Variants in TSPEAR observed in about 807,000 individuals in gnomAD.
TSPEAR encodes the protein thrombospondin-type laminin G domain and EAR repeat-containing protein.
A neutral mutation model predicts 71.6 loss-of-function variants in TSPEAR; 69 were observed. The observed-to-expected ratio is 0.96, with a 90% CI of 0.79 to 1.18. The LOEUF (loss-of-function observed/expected upper bound fraction) is 1.18. Among genes scored for constraint, TSPEAR ranks in the 50% most tolerant of loss-of-function variants. The pLI, the probability that TSPEAR is intolerant of heterozygous loss-of-function variation, is 0.00. For missense variants in TSPEAR, 971 were observed against 894.9 expected, an observed-to-expected ratio of 1.09 and a Z score of -1.09; for synonymous variants, 402 against 387.2, an observed-to-expected ratio of 1.04 and a Z score of -0.45.
chr21:44,634,718 G>A (rs183097188), intron 1 of TSPEAR, among the ~76,000 whole-genome samples: 25 of 152,264 alleles, frequency 1.6e-4, no homozygotes, highest in Non-Finnish European at 2.6e-4. Context: ...GATGATACAC[G>A]CAGGAAAAGA....
chr21:44,659,083 G>C (rs1985341238), intron 1 of TSPEAR, among the ~76,000 whole-genome samples: 1 of 152,172 alleles, frequency 6.6e-6, no homozygotes, highest in South Asian at 2.1e-4. Flanking sequence ...CAAAGGGCCT[G>C]CCTAAGACTG....
chr21:44,635,216 C>T (rs587641293), intron 1 of TSPEAR, among the ~76,000 whole-genome samples: 9 of 151,748 alleles, frequency 5.9e-5, no homozygotes, highest in East Asian at 5.8e-4. Context: ...TGTGGTGGTG[C>T]GCACCTGTAA....
At chr21:44,516,621 G>A (rs1379133752) in intron 9 of TSPEAR, 30 of 152,342 alleles carry the variant, frequency 2.0e-4, no homozygotes, top group Middle Eastern at 3.4e-3. Context: ...GCTTCGTGTG[G>A]TCCTGACCTT....
At chr21:44,575,681 G>A (rs1357822040) in intron 1 of TSPEAR, among the ~76,000 whole-genome samples, 1 of 152,190 alleles carries the variant, frequency 6.6e-6, no homozygotes, top group South Asian at 2.1e-4. Flanking sequence ...GTCTTCTAGC[G>A]CCATGCTTGC....
intron 2 of TSPEAR, among the ~76,000 whole-genome samples, chr21:44,535,965 A>G (rs1335729671): frequency 6.6e-6 from 1 of 151,940 alleles, no homozygotes; most frequent in Non-Finnish European, 1.5e-5. Context: ...TTCCATTGGA[A>G]GTGGACTTTC....
At chr21:44,524,627 G>T (rs1433669138) in intron 8 of TSPEAR, among the ~76,000 whole-genome samples, 4 of 151,714 alleles carry the variant, frequency 2.6e-5, no homozygotes, top group Non-Finnish European at 5.9e-5. Flanking sequence ...AGTCAGTCAG[G>T]TAGTCAGTCA....
intron 1 of TSPEAR, among the ~76,000 whole-genome samples, chr21:44,639,857 C>T (rs937125777): frequency 6.6e-6 from 1 of 152,240 alleles, no homozygotes. Flanking sequence ...CCTGTCTGGC[C>T]GTCCCCAGGG....
At chr21:44,584,583 A>G (rs1448732942) in intron 1 of TSPEAR, among the ~76,000 whole-genome samples, 1 of 152,180 alleles carries the variant, frequency 6.6e-6, no homozygotes, top group Non-Finnish European at 1.5e-5. Context: ...ATCTTTTTAA[A>G]TGGGATTGAT....
At chr21:44,613,032 C>A in intron 1 of TSPEAR, 1 of 1,142,164 alleles carries the variant, frequency 8.8e-7, no homozygotes, top group Non-Finnish European at 1.2e-6. Context: ...CTCCTTACTC[C>A]CAGGAGCCTC....
At chr21:44,698,049 G>A (rs1987469166) in intron 1 of TSPEAR, 1 of 1,331,462 alleles carries the variant, frequency 7.5e-7, no homozygotes, top group Admixed American at 2.2e-5. Flanking sequence ...CTGCTCTGGT[G>A]TCTGTCTCTT....
chr21:44,600,729 C>T, intron 1 of TSPEAR: 1 of 1,612,276 alleles, frequency 6.2e-7, no homozygotes, highest in Non-Finnish European at 8.5e-7. Context: ...AGGTGGACGA[C>T]TGCCCAGAGA....
Position 44,697,693 on chromosome 21 carries a change from T to C in TSPEAR, c.82+13740A>G, listed in dbSNP as rs59935070. 6.5e-3 allele frequency: 10,453 copies of C among 1,612,904 alleles called. 576 individuals carry two copies. In the African/African-American group the frequency reaches 0.12, roughly 19 times the overall value. ...GCTGCAAGCCCATCTGCTGTGTGCC[T>C]GTCTGCTCTGGGGCCTCCTCTCTGT... is the stretch of plus-strand genomic sequence containing the variant. On this transcript the variant is annotated intron_variant, in intron 1 of 11. Coordinates refer to ENST00000323084, the MANE Select transcript of TSPEAR (RefSeq NM_144991.3).
At chr21:44,577,783 A>G (rs1322882964) in intron 1 of TSPEAR, among the ~76,000 whole-genome samples, 3 of 152,368 alleles carry the variant, frequency 2.0e-5, no homozygotes, top group Admixed American at 2.0e-4. Flanking sequence ...TGAAATTGGC[A>G]AATTTCTAAC....
At chr21:44,508,743 T>C in intron 10 of TSPEAR, 1 of 1,263,696 alleles carries the variant, frequency 7.9e-7, no homozygotes, top group Non-Finnish European at 1.0e-6. Context: ...CTCCGTGTCC[T>C]GGTGTTTGTT....
Position 44,577,265 on chromosome 21 carries a change from A to G in TSPEAR, c.83-9260T>C, listed in dbSNP as rs587735913. Among the ~76,000 whole-genome samples, 24 of 152,338 alleles carry G rather than the reference A, an allele frequency of 1.6e-4. No individual in the cohort carries two copies. In the South Asian group the frequency reaches 4.6e-3, roughly 29 times the overall value. On this transcript the variant is annotated intron_variant, in intron 1 of 11. Transcript: ENST00000323084. ...GAACCCAAAAATAACTAGAAATAATAAAATAATCAAGAATTTAAAAACTCC... is the reference window on the plus strand; with the variant it reads ...GAACCCAAAAATAACTAGAAATAATGAAATAATCAAGAATTTAAAAACTCC...
chr21:44,591,842 G>A, intron 1 of TSPEAR: 2 of 1,608,270 alleles, frequency 1.2e-6, no homozygotes, highest in Non-Finnish European at 1.7e-6. Flanking sequence ...CAAGTTGGCT[G>A]GCAGCTAGAC....
At position 44,533,709 on chromosome 21, in the gene TSPEAR, G is replaced by T; in HGVS notation, c.518C>A (p.Thr173Lys). Residue 173 changes from threonine to lysine, a missense_variant, in exon 3 of 12, where the codon ACG (threonine) becomes AAG (lysine). Coordinates refer to ENST00000323084, the MANE Select transcript of TSPEAR (RefSeq NM_144991.3). The stretch of plus-strand genomic sequence containing the variant: ...CATGTCCACCGGGAGGCCGCAGTCC[G>T]TGGTGAGGGAGAAGACGCCTGCGGA... The part of the protein sequence containing the change: ...AVSAGVFSLT[T>K]DCGLPVDIMA... 1 of 1,610,638 alleles carries T rather than the reference G, an allele frequency of 6.2e-7. No individual in the cohort carries two copies. Among genetic ancestry groups the T allele is most frequent in the South Asian group, 1.1e-5 (1 of 91,020 alleles).
At position 44,706,670 on chromosome 21, in the gene TSPEAR, A is replaced by G. The variant is rs551841645; in HGVS notation, c.82+4763T>C. Among the ~76,000 whole-genome samples, 2 of 152,342 alleles carry G rather than the reference A, an allele frequency of 1.3e-5. 1 individual carries two copies. Among genetic ancestry groups the G allele is most frequent in the African/African-American group, 4.8e-5 (2 of 41,580 alleles). ...CGGGGATCGAGCAGCTCCGGGCCTC[A>G]GGGGTCGCCCCGCCACCGTTTTCCT... is the stretch of plus-strand genomic sequence containing the variant. On this transcript the variant is annotated intron_variant, in intron 1 of 11. Coordinates refer to ENST00000323084, the MANE Select transcript of TSPEAR (RefSeq NM_144991.3).
Position 44,533,902 on chromosome 21 carries a change from C to CCGTCAG in TSPEAR, c.319_324dup (p.Leu107_Thr108dup). On this transcript the variant is annotated inframe_insertion, in exon 3 of 12. Coordinates refer to ENST00000323084, the MANE Select transcript of TSPEAR (RefSeq NM_144991.3). The stretch of plus-strand genomic sequence containing the variant: ...AGCAGGTCGCTCTCCTCTGCCACCA[C>CCGTCAG]CGTCAGCAGGTACTCGTTCCTCTGT... 1 of 1,611,700 alleles carries CCGTCAG rather than the reference C, an allele frequency of 6.2e-7. No individual in the cohort carries two copies. Among genetic ancestry groups the CCGTCAG allele is most frequent in the Non-Finnish European group, 8.5e-7 (1 of 1,179,594 alleles).
Sources: allele counts gnomAD v4.1 joint callset (sites outside exome capture counted in the v4.1 genomes callset), GRCh38; gene constraint gnomAD v4.1.1; transcripts MANE v1.5; gene names NCBI Gene and HGNC (gene_info 2026-07-23, HGNC 2026-07-21).